The following THOC5 variants were observed in gnomAD, a reference collection of about 807,000 sequenced individuals.
THOC5 encodes THO complex subunit 5, also known as Fms-interacting protein.
A neutral mutation model predicts 92.9 loss-of-function variants in THOC5; 43 were observed. The ratio of observed to expected loss-of-function variants is 0.46; its 90% confidence interval spans 0.36 to 0.60. THOC5 has a LOEUF of 0.60. Ranked by LOEUF, THOC5 falls within the 20% of genes least tolerant of loss-of-function variation. The probability of loss-of-function intolerance (pLI) is 0.00; values close to 1 mark genes in which losing one functional copy is unlikely to be tolerated. For missense variants in THOC5, 659 were observed against 849.4 expected (o/e 0.78, Z 2.79); for synonymous variants, 296 against 320.1 (o/e 0.92, Z 0.80).
chr22:29,531,150 G>T, intron 8 of THOC5: 1 of 1,145,638 alleles, frequency 8.7e-7, no homozygotes, highest in South Asian at 1.9e-5. Flanking sequence ...GGGGAGGGGA[G>T]GACCAGAAGG....
At chr22:29,537,994 A>T (rs2063795015) in intron 6 of THOC5, among the ~76,000 whole-genome samples, 1 of 152,070 alleles carries the variant, frequency 6.6e-6, no homozygotes, top group Non-Finnish European at 1.5e-5. Context: ...TTATTTATTT[A>T]TTTTTTGAGA....
rs1480701378 is a variant in THOC5, at chr22:29,519,995, T to G, written c.1374+13A>C. On this transcript the variant is annotated intron_variant, in intron 14 of 19. Coordinates refer to ENST00000490103, the MANE Select transcript of THOC5 (RefSeq NM_003678.5). ...AAGCTCCTCAGCCAACTAGATGAGA[T>G]CAGTGTACAGACCTGGGGCTGCTCT... 1 of 1,609,032 alleles carries G rather than the reference T, an allele frequency of 6.2e-7. No homozygotes were observed. The highest frequency in any genetic ancestry group is 8.5e-7 in the Non-Finnish European group (1 of 1,176,818).
At chr22:29,531,577 C>T in intron 8 of THOC5, 2 of 1,214,030 alleles carry the variant, frequency 1.6e-6, no homozygotes, top group Non-Finnish European at 1.0e-6. Flanking sequence ...GGGTTCTGCA[C>T]CCAAGAGCTG....
At position 29,532,112 on chromosome 22, in the gene THOC5, C is replaced by T. The variant is rs79605265; in HGVS notation, c.715-149G>A. On this transcript the variant is annotated intron_variant, in intron 7 of 19. Coordinates refer to ENST00000490103, the MANE Select transcript of THOC5 (RefSeq NM_003678.5). The stretch of plus-strand genomic sequence containing the variant: ...TAGGTGGATAAAAGCTCAACGTAAA[C>T]AAAATTATATTTCTTTATACTAGCA... 5.4e-3 allele frequency: 5,194 copies of T among 968,274 alleles called. 195 individuals are homozygous for T. The African/African-American group carries it at 0.073, about 14-fold the overall frequency. 60.0% of individuals were successfully genotyped at this position (968,274 alleles called of 1,614,324 possible). A position where few individuals can be genotyped will look rare whatever the true frequency, so the allele number is the denominator to read the frequency against.
intron 2 of THOC5, chr22:29,545,096 C>T (rs1400494278): frequency 7.0e-6 from 3 of 430,932 alleles, no homozygotes; most frequent in Non-Finnish European, 9.2e-6. Context: ...AGAATCATGG[C>T]GAGAGGTGAA....
At chr22:29,511,965 G>T in intron 18 of THOC5, 56 bp downstream of exon 18, 1 of 1,489,790 alleles carries the variant, frequency 6.7e-7, no homozygotes, top group Non-Finnish European at 9.3e-7. Flanking sequence ...TTCTGCCACG[G>T]CCACCTCCCC....
intron 1 of THOC5, among the ~76,000 whole-genome samples, chr22:29,551,757 T>A (rs1044049172): frequency 6.6e-6 from 1 of 151,082 alleles, no homozygotes; most frequent in African/African-American, 2.4e-5. Context: ...AAAAAAAAAT[T>A]TGGACTGGAT....
At position 29,513,208 on chromosome 22, in the gene THOC5, G is replaced by A. The variant is rs75401740; in HGVS notation, c.1682-1072C>T. ...TACTAAAAATACAAAAAATTAGCTG[G>A]GCGTGGTGGTGGGCGACTGTAGTCC... On this transcript the variant is annotated intron_variant, in intron 17 of 19. Coordinates refer to ENST00000490103, the MANE Select transcript of THOC5 (RefSeq NM_003678.5). Among the ~76,000 whole-genome samples the A allele has an allele frequency of 0.024, 3,622 of 151,994 alleles. 358 individuals are homozygous for A. The East Asian group carries it at 0.35, about 15-fold the overall frequency.
intron 17 of THOC5, among the ~76,000 whole-genome samples, chr22:29,514,403 G>A (rs1375180008): frequency 2.8e-5 from 4 of 142,496 alleles, no homozygotes; most frequent in Non-Finnish European, 6.0e-5. Context: ...TGCAAGCTCC[G>A]CCTCCCGGGT....
intron 12 of THOC5, among the ~76,000 whole-genome samples, chr22:29,521,690 C>T (rs951182038): frequency 1.3e-5 from 2 of 152,088 alleles, no homozygotes; most frequent in African/African-American, 4.8e-5. Flanking sequence ...CAGCTACAAG[C>T]GGAGAGAAAT....
At position 29,549,051 on chromosome 22, in the gene THOC5, C is replaced by T; in HGVS notation, c.96+1G>A. The T allele has an allele frequency of 1.2e-6, 2 of 1,613,910 alleles. No homozygotes were observed. The highest frequency in any genetic ancestry group is 1.7e-6 in the Non-Finnish European group (2 of 1,179,928). On this transcript the variant is annotated splice_donor_variant, in intron 2 of 19. Coordinates refer to ENST00000490103, the MANE Select transcript of THOC5 (RefSeq NM_003678.5). LOFTEE classifies it high-confidence loss of function. ...AGCATGGCAACCCTGACTGATCTCA[C>T]CTGCTCGGTGTCAGATCGATTCCGC...
In THOC5 at chr22:29,508,523, A is replaced by G. The variant is rs1279714029; in HGVS notation, c.1989-3T>C. 5 of 1,613,216 alleles carry G rather than the reference A, an allele frequency of 3.1e-6. No homozygotes were observed. The highest frequency in any genetic ancestry group is 4.2e-6 in the Non-Finnish European group (5 of 1,179,128). ...ATGGCTTCATCCTGCTAGGACCCCTAGAGAAATAGGAGAACGGAGTTGTTA... is the reference window on the plus strand; with the variant it reads ...ATGGCTTCATCCTGCTAGGACCCCTGGAGAAATAGGAGAACGGAGTTGTTA... On this transcript the variant is annotated splice_polypyrimidine_tract_variant and splice_region_variant and intron_variant, in intron 19 of 19. Coordinates refer to ENST00000490103, the MANE Select transcript of THOC5 (RefSeq NM_003678.5).
intron 7 of THOC5, chr22:29,534,478 T>A (rs1484104933): frequency 6.6e-6 from 1 of 151,996 alleles, no homozygotes; most frequent in Non-Finnish European, 1.5e-5. Context: ...AAAGTTGTAT[T>A]CAAGACCTTA....
At chr22:29,525,601 T>G (rs553288024) in intron 12 of THOC5, among the ~76,000 whole-genome samples, 2 of 152,342 alleles carry the variant, frequency 1.3e-5, no homozygotes, top group South Asian at 4.1e-4. Flanking sequence ...TTTGCAAATA[T>G]GCTGTTGTCA....
At chr22:29,549,434 T>C (rs1190599458) in intron 1 of THOC5, among the ~76,000 whole-genome samples, 2 of 152,102 alleles carry the variant, frequency 1.3e-5, no homozygotes, top group East Asian at 3.9e-4. Flanking sequence ...CACATCCTGC[T>C]CCACACTCTC....
chr22:29,511,317 C>T (rs1210689480), intron 18 of THOC5, 21 bp from the exon 19 acceptor site: 15 of 1,601,064 alleles, frequency 9.4e-6, no homozygotes, highest in Admixed American at 1.7e-5. Flanking sequence ...GGAAAGCCAG[C>T]ATCTCAGCAC....
chr22:29,538,131 C>T (rs5997489), intron 6 of THOC5, among the ~76,000 whole-genome samples: 17 of 151,988 alleles, frequency 1.1e-4, no homozygotes, highest in East Asian at 4.0e-4. Flanking sequence ...TACAGGCACC[C>T]GCCACCATGC....
At chr22:29,511,944 G>T in intron 18 of THOC5, 77 bp downstream of exon 18, 1 of 1,209,626 alleles carries the variant, frequency 8.3e-7, no homozygotes, top group Non-Finnish European at 1.2e-6. Context: ...CAAGTCCTCA[G>T]CTGCAGTGGG....
intron 15 of THOC5, among the ~76,000 whole-genome samples, 154 bp downstream of exon 15, chr22:29,518,852 C>T (rs1287430332): frequency 2.6e-5 from 4 of 152,206 alleles, no homozygotes; most frequent in African/African-American, 9.6e-5. Flanking sequence ...CTGGAGCTCT[C>T]CCCAGTGGCT....
Sources: gnomAD v4.1 joint callset for allele counts (sites outside exome capture counted in the v4.1 genomes callset) on GRCh38, gnomAD v4.1.1 for gene constraint, MANE v1.5 for transcripts, NCBI Gene and HGNC (gene_info 2026-07-23, HGNC 2026-07-21) for gene names.